LIPC: variants seen among roughly 807,000 people sequenced by gnomAD.
LIPC encodes hepatic triacylglycerol lipase.
A neutral mutation model predicts 50.7 loss-of-function variants in LIPC; 44 were observed. The ratio of observed to expected loss-of-function variants is 0.87; its 90% confidence interval spans 0.68 to 1.11. The LOEUF is 1.11. Ranked by LOEUF, LIPC falls within the 50% of genes most tolerant of loss-of-function variation. LIPC has a pLI of 0.00. For missense variants in LIPC, 697 were observed against 648.2 expected (o/e 1.08, Z -0.82); for synonymous variants, 271 against 256.4 (o/e 1.06, Z -0.54).
At position 58,487,503 on chromosome 15, in the gene LIPC, C is replaced by T. The variant is rs144172546; in HGVS notation, c.89-50830C>T. On this transcript the variant is annotated intron_variant, in intron 1 of 8. Transcript: ENST00000299022. ...TCCACCAGGTTGCTGAAGCAATAGACGGCCCCTTAATAAATAGCTTCCAGA... is the reference window on the plus strand; with the variant it reads ...TCCACCAGGTTGCTGAAGCAATAGATGGCCCCTTAATAAATAGCTTCCAGA... Among the ~76,000 whole-genome samples, 757 of 152,316 alleles carry T rather than the reference C, an allele frequency of 5.0e-3. 4 individuals carry two copies. The highest frequency in any genetic ancestry group is 0.017 in the African/African-American group (702 of 41,564).
At chr15:58,517,654 C>G (rs1283084926) in intron 1 of LIPC, among the ~76,000 whole-genome samples, 1 of 152,176 alleles carries the variant, frequency 6.6e-6, no homozygotes, top group Non-Finnish European at 1.5e-5. Context: ...GAGGCTATGA[C>G]CCTGGAAATT....
At chr15:58,473,219 A>C (rs543436761) in intron 1 of LIPC, among the ~76,000 whole-genome samples, 25 of 152,248 alleles carry the variant, frequency 1.6e-4, no homozygotes, top group African/African-American at 5.8e-4. Flanking sequence ...GGTGGGTTTT[A>C]TGTGACCAGA....
intron 6 of LIPC, among the ~76,000 whole-genome samples, chr15:58,551,930 G>C (rs563343666): frequency 1.3e-5 from 2 of 152,342 alleles, no homozygotes; most frequent in East Asian, 3.9e-4. Context: ...ACCAGAACTC[G>C]GGTAAACACT....
At chr15:58,486,259 C>A (rs1217997819) in intron 1 of LIPC, among the ~76,000 whole-genome samples, 1 of 152,194 alleles carries the variant, frequency 6.6e-6, no homozygotes, top group East Asian at 1.9e-4. Flanking sequence ...ATCCCTCCCC[C>A]ATCTCCTCAG....
intron 8 of LIPC, chr15:58,565,554 G>A: frequency 1.6e-6 from 2 of 1,219,336 alleles, no homozygotes; most frequent in Non-Finnish European, 2.1e-6. Flanking sequence ...GAAATGGGTA[G>A]TATTGGCTGT....
chr15:58,478,885 A>T (rs17190594), intron 1 of LIPC, among the ~76,000 whole-genome samples: 47,172 of 152,180 alleles, frequency 0.31, 7,384 homozygotes, highest in Admixed American at 0.38. Flanking sequence ...TAGAGAGTTA[A>T]GGCAACTTTT....
chr15:58,562,055 A>G (rs1387213877), intron 7 of LIPC, among the ~76,000 whole-genome samples: 8 of 152,222 alleles, frequency 5.3e-5, no homozygotes, highest in African/African-American at 1.4e-4. Context: ...GCTCTTACCT[A>G]CAGCAGAAAA....
At chr15:58,500,778 T>G (rs1366355591) in intron 1 of LIPC, among the ~76,000 whole-genome samples, 2 of 119,650 alleles carry the variant, frequency 1.7e-5, no homozygotes, top group Non-Finnish European at 3.3e-5. Context: ...TCTCATCCTT[T>G]TTGACACTTT....
Position 58,538,507 on chromosome 15 carries a change from A to G in LIPC, c.263A>G (p.His88Arg). The change falls in exon 2 of 9, where the codon CAC becomes CGC. Residue 88 changes from histidine (H) to arginine (R), a missense_variant. By Grantham distance (29) the His-to-Arg change is conservative (BLOSUM62 0). Transcript: ENST00000299022. Reference sequence around the variant, plus strand: ...TCCCTGCCTCTGGTGATGATAATCCACGGGTGGTCGGTAGGAAATGCTGAC... The same window carrying G: ...TCCCTGCCTCTGGTGATGATAATCCGCGGGTGGTCGGTAGGAAATGCTGAC... ...NSSLPLVMII[H>R]GWSVDGVLEN... 6.2e-7 allele frequency: 1 copy of G among 1,614,126 alleles called. No individual in the cohort carries two copies. Among genetic ancestry groups the G allele is most frequent in the Non-Finnish European group, 8.5e-7 (1 of 1,180,014 alleles).
At chr15:58,493,589 T>C (rs1214426547) in intron 1 of LIPC, among the ~76,000 whole-genome samples, 1 of 142,788 alleles carries the variant, frequency 7.0e-6, no homozygotes, top group African/African-American at 2.6e-5. Context: ...ATTTATTACG[T>C]ATAAATAAAA....
At chr15:58,468,645 A>C (rs1477834463) in intron 1 of LIPC, among the ~76,000 whole-genome samples, 1 of 152,124 alleles carries the variant, frequency 6.6e-6, no homozygotes, top group Non-Finnish European at 1.5e-5. Flanking sequence ...GACACCATTT[A>C]ACTGTGGCAG....
intron 1 of LIPC, among the ~76,000 whole-genome samples, chr15:58,477,093 C>G (rs1183578042): frequency 2.6e-5 from 4 of 152,198 alleles, no homozygotes; most frequent in East Asian, 1.9e-4. Context: ...CCACATTTTT[C>G]TTTTAAAGAT....
At chr15:58,541,252 C>T (rs1893310325) in intron 2 of LIPC, among the ~76,000 whole-genome samples, 1 of 152,030 alleles carries the variant, frequency 6.6e-6, no homozygotes, top group African/African-American at 2.4e-5. Context: ...TTTTTACCTC[C>T]TACTATGTCA....
chr15:58,560,762 C>G, intron 6 of LIPC, 102 bp from the exon 7 acceptor site: 1 of 681,572 alleles, frequency 1.5e-6, no homozygotes, highest in Non-Finnish European at 2.7e-6. Context: ...TCTATCCAAA[C>G]TCTTCCCTCT....
chr15:58,497,253 C>T (rs573788332), intron 1 of LIPC, among the ~76,000 whole-genome samples: 35 of 152,314 alleles, frequency 2.3e-4, no homozygotes, highest in South Asian at 1.0e-3. Flanking sequence ...ATGGCTCCCC[C>T]GTCAGAGCAA....
chr15:58,458,823 C>T (rs1894228491), intron 1 of LIPC, among the ~76,000 whole-genome samples: 1 of 152,164 alleles, frequency 6.6e-6, no homozygotes, highest in Admixed American at 6.5e-5. Context: ...CCCAGTGGAA[C>T]AGGAAAAAGG....
In LIPC at chr15:58,536,628, C is replaced by A. The variant is rs537649033; in HGVS notation, c.89-1705C>A. On this transcript the variant is annotated intron_variant, in intron 1 of 8. Coordinates refer to ENST00000299022, the MANE Select transcript of LIPC (RefSeq NM_000236.3). ...TAGACAGGAGGGCAGCCAGTGAAAT[C>A]AGCAGGCTAGGTTGGAAGCAGGCTT... Among the ~76,000 whole-genome samples the A allele has an allele frequency of 6.0e-4, 91 of 152,268 alleles. 1 individual carries two copies. In the South Asian group the frequency reaches 0.018, roughly 31 times the overall value.
intron 1 of LIPC, among the ~76,000 whole-genome samples, chr15:58,500,303 T>C (rs1374821299): frequency 6.9e-6 from 1 of 144,650 alleles, no homozygotes; most frequent in African/African-American, 2.4e-5. Flanking sequence ...GGCTGTGAGA[T>C]GATTTTGTGA....
rs146799042 is a variant in LIPC at position 58,514,182 on chromosome 15, T to C, written c.89-24151T>C. On this transcript the variant is annotated intron_variant, in intron 1 of 8. Coordinates refer to ENST00000299022, the MANE Select transcript of LIPC (RefSeq NM_000236.3). ...ACCTGTTTGTAATGGGGATTCCAGC[T>C]CCTCCACTTTCTAGCTGTGTGGCTG... Among the ~76,000 whole-genome samples the C allele has an allele frequency of 1.5e-3, 235 of 152,316 alleles. 1 individual carries two copies. Among genetic ancestry groups the C allele is most frequent in the Admixed American group, 3.5e-3 (53 of 15,302 alleles).
Sources: allele counts gnomAD v4.1 joint callset (sites outside exome capture counted in the v4.1 genomes callset), GRCh38; gene constraint gnomAD v4.1.1; transcripts MANE v1.5; gene names NCBI Gene and HGNC (gene_info 2026-07-23, HGNC 2026-07-21).